CST8: variants seen among roughly 807,000 people sequenced by gnomAD.
CST8 encodes cystatin 8.
CST8 carries 20 observed loss-of-function variants against 11.8 expected under a neutral mutation model. The ratio of observed to expected loss-of-function variants is 1.70; its 90% CI spans 1.20 to 2.47. The LOEUF (loss-of-function observed/expected upper bound fraction) is 2.47, where lower values mean the gene tolerates loss of function less well. Among genes scored for constraint, CST8 ranks in the 30% most tolerant of loss-of-function variants. The probability of loss-of-function intolerance (pLI) is 0.00; values close to 1 mark genes in which losing one functional copy is unlikely to be tolerated. For missense variants in CST8, 196 were observed against 167.2 expected (o/e 1.17, Z -0.95); for synonymous variants, 77 against 63.1 (o/e 1.22, Z -1.05).
intron 3 of CST8, among the ~76,000 whole-genome samples, chr20:23,494,990 A>C (rs1036492970): frequency 3.3e-5 from 5 of 151,976 alleles, no homozygotes; most frequent in African/African-American, 7.3e-5. Context: ...AGGAGGCCCC[A>C]GTGTCTGTTG....
downstream of CST8, among the ~76,000 whole-genome samples, chr20:23,496,238 C>T (rs894090227): frequency 7.9e-5 from 12 of 151,652 alleles, no homozygotes; most frequent in African/African-American, 2.9e-4. Flanking sequence ...TGAAATTCAC[C>T]CCCCATATTT....
intron 2 of CST8, among the ~76,000 whole-genome samples, chr20:23,492,556 G>C (rs1987920572): frequency 6.6e-6 from 1 of 152,216 alleles, no homozygotes; most frequent in Non-Finnish European, 1.5e-5. Flanking sequence ...TGAGGGGGCT[G>C]TCCCCTGGTC....
chr20:23,504,029 C>T, the CST8 span, among the ~76,000 whole-genome samples: 1 of 152,298 alleles, frequency 6.6e-6, no homozygotes, highest in East Asian at 1.9e-4. Flanking sequence ...ACAGACACTT[C>T]TTTTGAAAGA....
Position 23,491,899 on chromosome 20 carries a change from G to C in CST8, c.231+1G>C. The C allele has an allele frequency of 6.2e-7, 1 of 1,611,844 alleles. No individual in the cohort carries two copies. The highest frequency in any genetic ancestry group is 8.5e-7 in the Non-Finnish European group (1 of 1,177,896). The stretch of plus-strand genomic sequence containing the variant: ...CAAGACACTGCAAGCCCAGCTTCAG[G>C]TAAAGGTGTCTTTCCATATAGGTGG... On this transcript the variant is annotated splice_donor_variant, in intron 2 of 3. Transcript: ENST00000246012. LOFTEE classifies it high-confidence loss of function.
chr20:23,500,308 C>T (rs566538693), downstream of CST8, among the ~76,000 whole-genome samples: 15 of 152,012 alleles, frequency 9.9e-5, no homozygotes, highest in South Asian at 2.1e-3. Context: ...GGGCTGCCTG[C>T]GGACCACAGG....
downstream of CST8, among the ~76,000 whole-genome samples, chr20:23,497,876 C>A (rs1466305017): frequency 6.6e-6 from 1 of 152,172 alleles, no homozygotes. Context: ...CAAACCATAT[C>A]ACTGTGTATG....
intron 2 of CST8, 74 bp from the exon 3 acceptor site, chr20:23,492,884 A>T (rs1004092692): frequency 4.7e-5 from 41 of 869,804 alleles, no homozygotes; most frequent in Non-Finnish European, 7.6e-5. Context: ...GAGTAAGAGT[A>T]ATTTTTTTTT....
downstream of CST8, among the ~76,000 whole-genome samples, chr20:23,497,375 T>G (rs1287788132): frequency 2.6e-5 from 4 of 152,196 alleles, no homozygotes; most frequent in Non-Finnish European, 5.9e-5. Flanking sequence ...ACCCACTGGG[T>G]GCTAACTCAG....
At chr20:23,493,696 A>AT (rs1320208112) in intron 3 of CST8, among the ~76,000 whole-genome samples, 1 of 152,128 alleles carries the variant, frequency 6.6e-6, no homozygotes, top group African/African-American at 2.4e-5. Flanking sequence ...TCAAGCCTGT[A>AT]TTTTTTATCT....
chr20:23,506,500 C>A, the CST8 span, among the ~76,000 whole-genome samples: 1 of 152,138 alleles, frequency 6.6e-6, no homozygotes, highest in Non-Finnish European at 1.5e-5. Context: ...ACTTTCTATA[C>A]CCCATGTTCT....
the CST8 span, among the ~76,000 whole-genome samples, chr20:23,501,668 C>T: frequency 2.0e-4 from 30 of 152,314 alleles, no homozygotes; most frequent in African/African-American, 5.8e-4. Context: ...GGCGACACTG[C>T]GAATGTACTA....
chr20:23,492,697 G>T (rs528102367), intron 2 of CST8, among the ~76,000 whole-genome samples: 3 of 152,118 alleles, frequency 2.0e-5, no homozygotes, highest in Non-Finnish European at 4.4e-5. Flanking sequence ...GAATGAGAAG[G>T]CCTTGCTTTC....
chr20:23,501,673 G>A, the CST8 span, among the ~76,000 whole-genome samples: 3 of 152,254 alleles, frequency 2.0e-5, no homozygotes, highest in Admixed American at 6.5e-5. Flanking sequence ...CACTGCGAAT[G>A]TACTATTTGG....
At chr20:23,497,096 C>T (rs1988064142), downstream of CST8, among the ~76,000 whole-genome samples, 1 of 152,170 alleles carries the variant, frequency 6.6e-6, no homozygotes, top group Non-Finnish European at 1.5e-5. Flanking sequence ...TAAAGACAGG[C>T]ATAGGAAATC....
At chr20:23,505,574 A>G in the CST8 span, among the ~76,000 whole-genome samples, 1 of 152,108 alleles carries the variant, frequency 6.6e-6, no homozygotes. Context: ...TGCAAACCCA[A>G]CCCACTATTG....
the CST8 span, among the ~76,000 whole-genome samples, chr20:23,501,291 T>A: frequency 2.0e-5 from 3 of 152,222 alleles, no homozygotes; most frequent in East Asian, 5.8e-4. Context: ...GGGAATCAGA[T>A]GCTCCTTCTG....
At chr20:23,497,751 T>C (rs1002069780), downstream of CST8, among the ~76,000 whole-genome samples, 2 of 152,180 alleles carry the variant, frequency 1.3e-5, no homozygotes, top group East Asian at 1.9e-4. Flanking sequence ...TCAGATCTTG[T>C]GAGACTTATT....
At chr20:23,502,621 T>G in the CST8 span, among the ~76,000 whole-genome samples, 2 of 152,186 alleles carry the variant, frequency 1.3e-5, no homozygotes, top group African/African-American at 2.4e-5. Flanking sequence ...AGGTGGATTC[T>G]TACACCCAAA....
intron 1 of CST8, 40 bp from the exon 2 acceptor site, chr20:23,491,485 A>C (rs942184002): frequency 6.6e-6 from 4 of 603,178 alleles, no homozygotes; most frequent in Non-Finnish European, 1.2e-5. Context: ...AGAGAGGACA[A>C]ACCCCAAAGA....
Sources: gnomAD v4.1 joint callset for allele counts (sites outside exome capture counted in the v4.1 genomes callset) on GRCh38, gnomAD v4.1.1 for gene constraint, MANE v1.5 for transcripts, NCBI Gene and HGNC (gene_info 2026-07-23, HGNC 2026-07-21) for gene names.